Variants in CROT observed in about 807,000 individuals in gnomAD.
The protein encoded by CROT is carnitine O-octanoyltransferase.
CROT carries 84 observed loss-of-function variants against 89.2 expected under a neutral mutation model. That is an observed-to-expected ratio of 0.94 (90% CI 0.79 to 1.13). The LOEUF is 1.13. CROT is among the 50% of genes most tolerant of loss of function. The probability of loss-of-function intolerance (pLI) is 0.00; values close to 1 mark genes in which losing one functional copy is unlikely to be tolerated. For synonymous variants in CROT, 212 were observed against 239.5 expected (o/e 0.89, Z 1.06); for missense variants, 711 against 727.8 (o/e 0.98, Z 0.27).
chr7:87,347,708 T>TC (rs1805731258), intron 2 of CROT, among the ~76,000 whole-genome samples: 2 of 152,300 alleles, frequency 1.3e-5, no homozygotes, highest in African/African-American at 2.4e-5. Flanking sequence ...TTTTTTTTTT[T>TC]CCATACATCT....
chr7:87,360,923 A>C (rs1012264534), intron 4 of CROT, among the ~76,000 whole-genome samples: 1 of 152,190 alleles, frequency 6.6e-6, no homozygotes, highest in African/African-American at 2.4e-5. Context: ...AATTATCACA[A>C]TAACATTTCT....
intron 4 of CROT, chr7:87,359,782 G>T (rs1806215572): frequency 1.0e-6 from 1 of 984,690 alleles, no homozygotes; most frequent in Admixed American, 6.1e-5. Context: ...TATGTATATT[G>T]TATATTTCAG....
At chr7:87,378,376 G>C (rs975153854) in intron 10 of CROT, among the ~76,000 whole-genome samples, 1 of 149,314 alleles carries the variant, frequency 6.7e-6, no homozygotes, top group South Asian at 2.1e-4. Flanking sequence ...TTCAGTAGTT[G>C]TATTAATCCA....
rs775606556 is a variant in CROT at position 87,393,052 on chromosome 7, A to G, written c.1703A>G (p.His568Arg). Residue 568 changes from histidine (H) to arginine (R), a missense_variant, in exon 17 of 18, where the codon CAT becomes CGT. By Grantham distance (29) the His-to-Arg change is conservative (BLOSUM62 0). Transcript: ENST00000331536. Reference protein sequence around the residue: ...MVHNGYGFFYHIRDDRFVVAC... With the variant: ...MVHNGYGFFYRIRDDRFVVAC... Reference sequence around the variant, plus strand: ...CACAATGGTTATGGATTTTTCTACCATATCAGAGATGACAGGTGAGGCTTC... The same window carrying G: ...CACAATGGTTATGGATTTTTCTACCGTATCAGAGATGACAGGTGAGGCTTC... 7.4e-6 allele frequency: 12 copies of G among 1,613,394 alleles called. No individual in the cohort carries two copies. In the South Asian group the frequency reaches 1.1e-4, roughly 15 times the overall value.
At position 87,358,896 on chromosome 7, in the gene CROT, T is replaced by C. The variant is rs538028378; in HGVS notation, c.116-310T>C. On this transcript the variant is annotated intron_variant, in intron 3 of 17. Transcript: ENST00000331536. ...TCCAACTTTTTTTCTCTCTTTATGT[T>C]AATTTTTCCAGAGTTTGAAAAGCCA... Among the ~76,000 whole-genome samples the C allele has an allele frequency of 3.9e-5, 6 of 152,304 alleles. No homozygotes were observed. The South Asian group carries it at 1.2e-3, about 32-fold the overall frequency.
intron 13 of CROT, among the ~76,000 whole-genome samples, chr7:87,388,940 A>G (rs572272617): frequency 6.6e-6 from 1 of 152,256 alleles, no homozygotes; most frequent in Non-Finnish European, 1.5e-5. Context: ...GAAAAAAACA[A>G]CCCCATCAAA....
chr7:87,392,248 T>A (rs1024887958), intron 14 of CROT, among the ~76,000 whole-genome samples: 1 of 152,220 alleles, frequency 6.6e-6, no homozygotes, highest in East Asian at 1.9e-4. Context: ...TTTATAGAAC[T>A]GCTTTATTGT....
intron 13 of CROT, among the ~76,000 whole-genome samples, chr7:87,383,100 G>A (rs1807075907): frequency 6.6e-6 from 1 of 152,098 alleles, no homozygotes; most frequent in Admixed American, 6.6e-5. Flanking sequence ...CATTTATTAC[G>A]TCTTCGTGTG....
chr7:87,362,280 G>A (rs75006432), intron 6 of CROT, among the ~76,000 whole-genome samples: 2,030 of 150,444 alleles, frequency 0.013, 47 homozygotes, highest in African/African-American at 0.047. Flanking sequence ...CCTTATATGA[G>A]GTAAAAGCCT....
chr7:87,393,990 A>G (rs1252817677), intron 17 of CROT, among the ~76,000 whole-genome samples: 1 of 152,200 alleles, frequency 6.6e-6, no homozygotes, highest in Non-Finnish European at 1.5e-5. Flanking sequence ...ATACTAGTCT[A>G]TTTCATCATT....
At chr7:87,368,476 G>A (rs868464306) in intron 6 of CROT, among the ~76,000 whole-genome samples, 2 of 152,046 alleles carry the variant, frequency 1.3e-5, no homozygotes, top group Admixed American at 6.6e-5. Flanking sequence ...GAGGAACAAG[G>A]AAAACACATA....
At chr7:87,368,067 A>T (rs539593413) in intron 6 of CROT, among the ~76,000 whole-genome samples, 1 of 152,046 alleles carries the variant, frequency 6.6e-6, no homozygotes, top group Non-Finnish European at 1.5e-5. Context: ...AACCTTATCT[A>T]CCACTCTATC....
chr7:87,398,557 T>A lies in CROT; in HGVS notation c.1752T>A (p.Cys584Ter), dbSNP rs767315280. 7.4e-6 allele frequency: 12 copies of A among 1,613,866 alleles called. No individual in the cohort carries two copies. The South Asian group carries it at 1.3e-4, about 18-fold the overall frequency. Residue 584 changes from cysteine (C) to a stop codon, truncating the protein, a stop_gained, in exon 18 of 18, where the codon TGT becomes TGA. Transcript: ENST00000331536. LOFTEE classifies it high-confidence loss of function. Reference sequence around the variant, plus strand: ...TGGCCTGTTCAGCCTGGAAATCCTGTCCCGAGACTGATGCGGAAAAGCTAG... The same window carrying A: ...TGGCCTGTTCAGCCTGGAAATCCTGACCCGAGACTGATGCGGAAAAGCTAG... ...FVVACSAWKS[C>*]PETDAEKLVQ...
In CROT at chr7:87,399,595, ATAAT is replaced by A. The variant is rs1314496872; in HGVS notation, c.*954_*957del. The A allele has an allele frequency of 1.3e-5, 2 of 152,252 alleles. No homozygotes were observed. The highest frequency in any genetic ancestry group is 2.4e-5 in the African/African-American group (1 of 41,474). 9.4% of individuals were successfully genotyped at this position (152,252 alleles called of 1,614,324 possible). On this transcript the variant is annotated 3_prime_UTR_variant, in exon 18 of 18. Coordinates refer to ENST00000331536, the MANE Select transcript of CROT (RefSeq NM_021151.4). ...GTAACAAAATTCATTGTGGTGTATT[ATAAT>A]TAGTTTTGTGAATAGAAAAATAAAG...
chr7:87,350,867 A>G (rs370614259), intron 3 of CROT, among the ~76,000 whole-genome samples: 4 of 152,356 alleles, frequency 2.6e-5, no homozygotes, highest in Admixed American at 6.5e-5. Context: ...TTGGGTAGCC[A>G]TTAATCAACT....
intron 3 of CROT, among the ~76,000 whole-genome samples, chr7:87,351,832 A>G (rs768568180): frequency 1.3e-5 from 2 of 152,216 alleles, no homozygotes; most frequent in Non-Finnish European, 2.9e-5. Context: ...AGTCTTTAAT[A>G]TGACTAAGTC....
At chr7:87,394,843 G>T (rs1807474676) in intron 17 of CROT, among the ~76,000 whole-genome samples, 1 of 152,156 alleles carries the variant, frequency 6.6e-6, no homozygotes, top group African/African-American at 2.4e-5. Flanking sequence ...GATAATTTTA[G>T]AAAGAGGTTT....
rs1480701947 is a variant in CROT at position 87,396,545 on chromosome 7, T to C, written c.1719-1979T>C. 3.3e-5 allele frequency among the ~76,000 whole-genome samples: 5 copies of C among 152,276 alleles called. No homozygotes were observed. The East Asian group carries it at 9.6e-4, about 29-fold the overall frequency. On this transcript the variant is annotated intron_variant, in intron 17 of 17. Transcript: ENST00000331536. ...GGTTGGTACAGTATAGAAACATTTT[T>C]AGAGAAATGAAAAAGCAAAAAGATA...
At chr7:87,374,042 AC>A (rs2115917234) in intron 7 of CROT, among the ~76,000 whole-genome samples, 1 of 152,214 alleles carries the variant, frequency 6.6e-6, no homozygotes, top group African/African-American at 2.4e-5. Flanking sequence ...AAAATCGAGG[AC>A]AGTAAATTAA....
Sources: allele counts gnomAD v4.1 joint callset (sites outside exome capture counted in the v4.1 genomes callset), GRCh38; gene constraint gnomAD v4.1.1; transcripts MANE v1.5; gene names NCBI Gene and HGNC (gene_info 2026-07-23, HGNC 2026-07-21).